The following MAMLD1 variants were observed in gnomAD, a reference collection of about 807,000 sequenced individuals.
MAMLD1 encodes the protein mastermind like domain containing 1.
A neutral mutation model predicts 45.0 loss-of-function variants in MAMLD1; 14 were observed. The ratio of observed to expected loss-of-function variants is 0.31; its 90% CI spans 0.21 to 0.49. The LOEUF is 0.49. MAMLD1 is among the 20% of genes least tolerant of loss of function. The pLI is 0.99. For missense variants in MAMLD1, 543 were observed against 603.6 expected (o/e 0.90, Z 1.05); for synonymous variants, 254 against 247.8 (o/e 1.02, Z -0.24).
intron 1 of MAMLD1, among the ~76,000 whole-genome samples, chrX:150,414,210 C>T (rs949844729): frequency 9.1e-6 from 1 of 110,165 alleles, no homozygotes. Flanking sequence ...GAAAAGGAAG[C>T]CAGCGCAAAG....
intron 3 of MAMLD1, among the ~76,000 whole-genome samples, chrX:150,463,581 A>G (rs17252929): frequency 0.093 from 10,400 of 111,978 alleles, 470 homozygotes; most frequent in Non-Finnish European, 0.13. Context: ...TCCAACTGGC[A>G]TGTCTACACT....
At position 150,466,226 on chromosome X, in the gene MAMLD1, A is replaced by T. The variant is rs782312329; in HGVS notation, c.171+3380A>T. Reference sequence around the variant, plus strand: ...TTCCACGCCTCACTGATGTCTGGTGAAGGCAGACGCTATTACAGCAAGGCT... The same window carrying T: ...TTCCACGCCTCACTGATGTCTGGTGTAGGCAGACGCTATTACAGCAAGGCT... On this transcript the variant is annotated intron_variant, in intron 3 of 7. Transcript: ENST00000370401. Among the ~76,000 whole-genome samples the T allele has an allele frequency of 3.1e-4, 35 of 113,059 alleles. No homozygotes were observed. The South Asian group carries it at 4.3e-3, about 14-fold the overall frequency.
At chrX:150,493,279 A>G (rs2037245904) in intron 5 of MAMLD1, among the ~76,000 whole-genome samples, 2 of 111,483 alleles carry the variant, frequency 1.8e-5, no homozygotes, top group African/African-American at 6.5e-5. Context: ...CTCTGCCTGG[A>G]GCACGTCCAG....
intron 1 of MAMLD1, among the ~76,000 whole-genome samples, chrX:150,369,872 C>A (rs1023732784): frequency 5.0e-4 from 54 of 107,799 alleles, no homozygotes; most frequent in African/African-American, 1.7e-3. Flanking sequence ...ACATTTCCAA[C>A]TTTGGGGATA....
intron 1 of MAMLD1, among the ~76,000 whole-genome samples, chrX:150,401,460 A>G (rs1180084909): frequency 9.7e-6 from 1 of 103,275 alleles, no homozygotes. Context: ...GCTCATGGGT[A>G]GGAAGAATCA....
chrX:150,461,547 G>A (rs1483194613), intron 2 of MAMLD1, among the ~76,000 whole-genome samples: 5 of 111,755 alleles, frequency 4.5e-5, no homozygotes, highest in South Asian at 3.8e-4. Flanking sequence ...GTGTTTTCTC[G>A]GTTCATTGGC....
In MAMLD1 at chrX:150,373,578, A is replaced by G. The variant is rs781962165; in HGVS notation, c.-64+10048A>G. 2.7e-5 allele frequency among the ~76,000 whole-genome samples: 3 copies of G among 111,622 alleles called. No homozygotes were observed. The East Asian group carries it at 8.5e-4, about 32-fold the overall frequency. ...TAGCAAAGGCTAGGTCTGAAGCCCTATTCTGCATACGGCTGGGGACAGGCT... is the reference window on the plus strand; with the variant it reads ...TAGCAAAGGCTAGGTCTGAAGCCCTGTTCTGCATACGGCTGGGGACAGGCT... On this transcript the variant is annotated intron_variant, in intron 1 of 7. Coordinates refer to ENST00000370401, the MANE Select transcript of MAMLD1 (RefSeq NM_005491.5).
intron 1 of MAMLD1, among the ~76,000 whole-genome samples, chrX:150,401,193 G>T (rs1465757835): frequency 9.0e-6 from 1 of 111,167 alleles, no homozygotes; most frequent in Admixed American, 9.6e-5. Context: ...TTGGGAGGGT[G>T]TATGTGTCGA....
chrX:150,422,159 AGAGGCGGTCACTGGACAGCCTGG>A (rs1200727967), intron 1 of MAMLD1, among the ~76,000 whole-genome samples: 4 of 112,390 alleles, frequency 3.6e-5, no homozygotes, highest in African/African-American at 1.3e-4. Context: ...TTCTTTAAGG[AGAGGCGGTCACTGGACAGCCTGG>A]GAGGCTGCCT....
chrX:150,362,737 C>A (rs2031080693), upstream of MAMLD1: 1 of 111,887 alleles, frequency 8.9e-6, no homozygotes, highest in African/African-American at 3.2e-5. Flanking sequence ...CCAAGCGCGC[C>A]GGGCCCCGCC....
intron 1 of MAMLD1, among the ~76,000 whole-genome samples, chrX:150,415,109 C>T (rs2034217220): frequency 8.9e-6 from 1 of 112,341 alleles, no homozygotes; most frequent in African/African-American, 3.2e-5. Flanking sequence ...CTGCTGCATA[C>T]TGGATACCAA....
At chrX:150,488,110 A>C (rs1158902102) in intron 5 of MAMLD1, among the ~76,000 whole-genome samples, 1 of 112,789 alleles carries the variant, frequency 8.9e-6, no homozygotes, top group African/African-American at 3.2e-5. Flanking sequence ...TGGCATCTAC[A>C]GCCAACTTTT....
chrX:150,427,574 T>A (rs1207301247), intron 1 of MAMLD1, among the ~76,000 whole-genome samples: 1 of 42,219 alleles, frequency 2.4e-5, no homozygotes, highest in African/African-American at 4.9e-5. Flanking sequence ...ACCTGTCTCC[T>A]CATCCTCACC....
chrX:150,371,207 G>A (rs2031962574), intron 1 of MAMLD1, among the ~76,000 whole-genome samples: 1 of 111,442 alleles, frequency 9.0e-6, no homozygotes, highest in South Asian at 3.8e-4. Flanking sequence ...GGTGGGGTAA[G>A]CTACCTTACC....
rs1569565075 is a variant in MAMLD1 at position 150,512,215 on chromosome X, T to A, written c.*256T>A. 8.9e-7 allele frequency: 1 copy of A among 1,124,336 alleles called. No individual in the cohort carries two copies. The highest frequency in any genetic ancestry group is 1.2e-6 in the Non-Finnish European group (1 of 855,212). The allele number at this position is 1,124,336 out of a possible 1,213,427, so 92.7% of individuals were successfully genotyped here. On this transcript the variant is annotated 3_prime_UTR_variant, in exon 8 of 8. Transcript: ENST00000370401. The stretch of plus-strand genomic sequence containing the variant: ...GAATTTTCACCTCCAGCCCCCAGTG[T>A]CCCATCCTCTCACACTCAGGCCAGA...
chrX:150,453,779 T>C (rs2035748482), intron 2 of MAMLD1, among the ~76,000 whole-genome samples: 1 of 111,438 alleles, frequency 9.0e-6, no homozygotes, highest in African/African-American at 3.3e-5. Flanking sequence ...ACTGGAACAG[T>C]CCAAAAGCCC....
chrX:150,398,577 G>A (rs1189619628), intron 1 of MAMLD1, among the ~76,000 whole-genome samples: 1 of 111,531 alleles, frequency 9.0e-6, no homozygotes, highest in Admixed American at 9.5e-5. Context: ...TACTCTCAGT[G>A]TGGACTCAAT....
intron 2 of MAMLD1, among the ~76,000 whole-genome samples, chrX:150,460,338 C>T (rs1557405552): frequency 8.9e-6 from 1 of 112,323 alleles, no homozygotes; most frequent in Non-Finnish European, 1.9e-5. Context: ...AACAAAGATC[C>T]TCACCACAAG....
intron 1 of MAMLD1, among the ~76,000 whole-genome samples, chrX:150,366,000 G>A (rs1446483992): frequency 8.9e-6 from 1 of 112,445 alleles, no homozygotes; most frequent in Non-Finnish European, 1.9e-5. Flanking sequence ...TCGCCATTCT[G>A]TTGGCCTGCT....
Sources: gnomAD v4.1 joint callset for allele counts (sites outside exome capture counted in the v4.1 genomes callset) on GRCh38, gnomAD v4.1.1 for gene constraint, MANE v1.5 for transcripts, NCBI Gene and HGNC (gene_info 2026-07-23, HGNC 2026-07-21) for gene names.